The following PEX5L variants were observed in gnomAD, a reference collection of about 807,000 sequenced individuals.
The protein encoded by PEX5L is peroxisomal biogenesis factor 5 like.
PEX5L carries 30 observed loss-of-function variants against 84.0 expected under a neutral mutation model. The observed-to-expected ratio is 0.36, with a 90% CI of 0.27 to 0.48. PEX5L has a LOEUF of 0.48. Among genes scored for constraint, PEX5L ranks in the 20% least tolerant of loss-of-function variants. PEX5L has a pLI of 0.99. For synonymous variants in PEX5L, 270 were observed against 283.1 expected (o/e 0.95, Z 0.46); for missense variants, 533 against 754.6 (o/e 0.71, Z 3.44).
chr3:179,801,806 T>G lies in PEX5L; in HGVS notation c.*22A>C, dbSNP rs541933774. On this transcript the variant is annotated 3_prime_UTR_variant, in exon 15 of 15. Transcript: ENST00000467460. ...TACAATCACACAGATCAGGGATTAT[T>G]AGTACTGGTATTATTCTTTCTTCAA... The G allele has an allele frequency of 2.2e-6, 3 of 1,376,204 alleles. No individual in the cohort carries two copies. The highest frequency in any genetic ancestry group is 3.1e-6 in the Non-Finnish European group (3 of 962,662). 85.2% of individuals were successfully genotyped at this position (1,376,204 alleles called of 1,614,324 possible).
At chr3:179,918,156 C>T (rs964402698) in intron 2 of PEX5L, among the ~76,000 whole-genome samples, 6 of 152,126 alleles carry the variant, frequency 3.9e-5, no homozygotes, top group African/African-American at 9.7e-5. Context: ...TGTTTTATTG[C>T]CTCTCATTAG....
intron 14 of PEX5L, chr3:179,804,176 T>C (rs1043221709): frequency 6.6e-6 from 1 of 152,144 alleles, no homozygotes; most frequent in Non-Finnish European, 1.5e-5. Flanking sequence ...GACTCCAGTT[T>C]TTATTGTCCC....
chr3:179,988,100 G>A (rs1207938389), intron 1 of PEX5L, among the ~76,000 whole-genome samples: 2 of 151,926 alleles, frequency 1.3e-5, no homozygotes, highest in Non-Finnish European at 2.9e-5. Context: ...TAGTAATTTT[G>A]TAGTGATTAA....
intron 8 of PEX5L, among the ~76,000 whole-genome samples, chr3:179,824,005 A>G (rs1419542370): frequency 6.6e-6 from 1 of 152,042 alleles, no homozygotes; most frequent in Non-Finnish European, 1.5e-5. Flanking sequence ...CACTTTTTTG[A>G]TTGTAAAACT....
At chr3:179,894,390 A>G (rs1481123508) in intron 3 of PEX5L, among the ~76,000 whole-genome samples, 1 of 151,790 alleles carries the variant, frequency 6.6e-6, no homozygotes, top group African/African-American at 2.4e-5. Flanking sequence ...CCCACCCCCC[A>G]CTTCCTATTA....
intron 1 of PEX5L, among the ~76,000 whole-genome samples, chr3:179,989,248 T>A (rs1489914255): frequency 2.0e-5 from 3 of 152,202 alleles, no homozygotes; most frequent in African/African-American, 7.2e-5. Context: ...TTAAGAAGTA[T>A]CACCACGATC....
At chr3:180,033,951 C>T (rs562525610) in intron 1 of PEX5L, among the ~76,000 whole-genome samples, 63 of 152,154 alleles carry the variant, frequency 4.1e-4, no homozygotes, top group Non-Finnish European at 8.1e-4. Context: ...GCAGAGCAAA[C>T]CAAATGTGTG....
chr3:179,926,585 G>A (rs956430624), intron 2 of PEX5L, among the ~76,000 whole-genome samples: 1 of 152,152 alleles, frequency 6.6e-6, no homozygotes, highest in African/African-American at 2.4e-5. Flanking sequence ...TCTGTTCAAA[G>A]TCCCTCCATC....
rs1396310243 is a variant in PEX5L, at chr3:179,874,435, G to T, written c.630-12C>A. 8.3e-6 allele frequency: 12 copies of T among 1,453,544 alleles called. No homozygotes were observed. The highest frequency in any genetic ancestry group is 1.1e-5 in the Non-Finnish European group (12 of 1,048,338). 90.0% of individuals were successfully genotyped at this position (1,453,544 alleles called of 1,614,324 possible). ...TGTGTTCTGAGGACCTATAAGGGAT[G>T]CATTAAGGAAATTAAACGTACACTA... On this transcript the variant is annotated splice_polypyrimidine_tract_variant and intron_variant, in intron 6 of 14. Coordinates refer to ENST00000467460, the MANE Select transcript of PEX5L (RefSeq NM_016559.3).
At chr3:179,860,366 G>A (rs1300839914) in intron 7 of PEX5L, among the ~76,000 whole-genome samples, 1 of 152,212 alleles carries the variant, frequency 6.6e-6, no homozygotes, top group Non-Finnish European at 1.5e-5. Flanking sequence ...AGGTGGGGTA[G>A]GGAGGGTGAC....
Position 180,003,359 on chromosome 3 carries a change from AT to A in PEX5L, c.22-31695del, listed in dbSNP as rs1217438857. Among the ~76,000 whole-genome samples the A allele has an allele frequency of 5.9e-5, 9 of 151,952 alleles. No homozygotes were observed. In the East Asian group the frequency reaches 1.7e-3, roughly 29 times the overall value. ...ATTAGGTTTTGTAAAAGACTGTCTA[AT>A]TTATGTGGGCTCAGACTGGGCACTA... On this transcript the variant is annotated intron_variant, in intron 1 of 14. Transcript: ENST00000467460.
At chr3:179,988,677 C>A (rs1450176367) in intron 1 of PEX5L, among the ~76,000 whole-genome samples, 2 of 152,166 alleles carry the variant, frequency 1.3e-5, no homozygotes, top group Non-Finnish European at 2.9e-5. Context: ...CAAGAAGGAA[C>A]TTGCTGGTGC....
At chr3:179,888,096 C>T (rs761201860) in intron 3 of PEX5L, 14 of 1,242,924 alleles carry the variant, frequency 1.1e-5, no homozygotes, top group Non-Finnish European at 1.5e-5. Flanking sequence ...ATCATAGTTG[C>T]TAAGGGCCAA....
intron 2 of PEX5L, among the ~76,000 whole-genome samples, chr3:179,911,555 T>G (rs1271448563): frequency 6.6e-6 from 1 of 152,220 alleles, no homozygotes; most frequent in Non-Finnish European, 1.5e-5. Context: ...ATATTATAAA[T>G]CAGCAAAATC....
intron 1 of PEX5L, among the ~76,000 whole-genome samples, chr3:180,008,673 G>A (rs1055428147): frequency 6.6e-6 from 1 of 152,174 alleles, no homozygotes; most frequent in Non-Finnish European, 1.5e-5. Flanking sequence ...CTCCTTACAT[G>A]GTGGCAGCAA....
At chr3:179,966,059 T>C (rs975051174) in intron 2 of PEX5L, among the ~76,000 whole-genome samples, 5 of 152,198 alleles carry the variant, frequency 3.3e-5, no homozygotes, top group Admixed American at 1.3e-4. Flanking sequence ...ATTTGAATAG[T>C]CTCTCTCATT....
chr3:179,864,098 C>T (rs919634576), intron 7 of PEX5L, among the ~76,000 whole-genome samples: 6 of 152,044 alleles, frequency 3.9e-5, no homozygotes, highest in Non-Finnish European at 7.4e-5. Flanking sequence ...TCCCCAGCCA[C>T]GTGGAACTCT....
At chr3:179,820,584 G>A (rs1229194219) in intron 8 of PEX5L, 1 of 152,270 alleles carries the variant, frequency 6.6e-6, no homozygotes, top group African/African-American at 2.4e-5. Context: ...GTGTGAACCT[G>A]ACTGAATCCT....
intron 1 of PEX5L, among the ~76,000 whole-genome samples, chr3:180,025,001 T>C (rs1442685936): frequency 2.6e-5 from 4 of 152,186 alleles, no homozygotes; most frequent in Non-Finnish European, 5.9e-5. Context: ...CTATTATATT[T>C]CTAAGTCTGC....
Sources: gnomAD v4.1 joint callset for allele counts (sites outside exome capture counted in the v4.1 genomes callset) on GRCh38, gnomAD v4.1.1 for gene constraint, MANE v1.5 for transcripts, NCBI Gene and HGNC (gene_info 2026-07-23, HGNC 2026-07-21) for gene names.